HYDIN: variants seen among roughly 807,000 people sequenced by gnomAD.
HYDIN encodes the protein HYDIN axonemal central pair apparatus protein.
Under a neutral mutation model 403.9 loss-of-function variants are expected in HYDIN, and 132 were observed. The observed-to-expected ratio is 0.33, with a 90% CI of 0.28 to 0.38. The LOEUF is 0.38. Among genes scored for constraint, HYDIN ranks in the 10% least tolerant of loss-of-function variants. The pLI is 1.00. For missense variants in HYDIN, 2,827 were observed against 5,009.5 expected (o/e 0.56, Z 13.15); for synonymous variants, 1,202 against 1,891.7 (o/e 0.64, Z 9.46).
At position 70,805,087 on chromosome 16, in the gene HYDIN, TCTC is replaced by T. The variant is rs2035052495; in HGVS notation, c.*2490_*2492del. On this transcript the variant is annotated 3_prime_UTR_variant, in exon 86 of 86. Coordinates refer to ENST00000393567, the MANE Select transcript of HYDIN (RefSeq NM_001270974.2). ...AGGGTGAGGGACCAATTGCTTCCCT[TCTC>T]CTAACCTATACCTCTGGTGAATAGG... Among the ~76,000 whole-genome samples, 5 of 152,320 alleles carry T rather than the reference TCTC, an allele frequency of 3.3e-5. No individual in the cohort carries two copies. The South Asian group carries it at 1.0e-3, about 32-fold the overall frequency.
intron 23 of HYDIN, among the ~76,000 whole-genome samples, chr16:71,000,100 C>A (rs2144070108): frequency 6.6e-6 from 1 of 151,334 alleles, no homozygotes; most frequent in East Asian, 2.0e-4. Context: ...TTGTAGCTAG[C>A]TTTGGGAGGA....
At chr16:70,979,991 G>C (rs985621251) in intron 29 of HYDIN, among the ~76,000 whole-genome samples, 5 of 151,872 alleles carry the variant, frequency 3.3e-5, no homozygotes, top group African/African-American at 1.2e-4. Flanking sequence ...TGAGTGTAGT[G>C]AACTGGAGAA....
rs2080914884 is a variant in HYDIN at position 71,031,640 on chromosome 16, T to C, written c.2768+39A>G. 4 of 1,586,530 alleles carry C rather than the reference T, an allele frequency of 2.5e-6. 1 individual carries two copies. Among genetic ancestry groups the C allele is most frequent in the Non-Finnish European group, 2.6e-6 (3 of 1,164,286 alleles). ...GGTGATGCTCAGCATATGTAACATA[T>C]GTGATATCTATAAAAACTGGTCCAT... On this transcript the variant is annotated intron_variant, in intron 19 of 85. Coordinates refer to ENST00000393567, the MANE Select transcript of HYDIN (RefSeq NM_001270974.2).
intron 7 of HYDIN, among the ~76,000 whole-genome samples, chr16:71,145,676 G>A (rs2085341972): frequency 1.3e-5 from 2 of 152,160 alleles, no homozygotes; most frequent in Admixed American, 1.3e-4. Context: ...CAGGGAGGCT[G>A]GCAAAATGCA....
At chr16:71,047,177 G>C (rs1409442935) in intron 18 of HYDIN, among the ~76,000 whole-genome samples, 1 of 152,054 alleles carries the variant, frequency 6.6e-6, no homozygotes, top group African/African-American at 2.4e-5. Flanking sequence ...TTTTCCTTTT[G>C]TCTTCTGAAC....
intron 41 of HYDIN, among the ~76,000 whole-genome samples, chr16:70,944,811 G>A (rs1365214260): frequency 6.6e-6 from 1 of 152,128 alleles, no homozygotes; most frequent in African/African-American, 2.4e-5. Flanking sequence ...GGAGTGCAAT[G>A]GTGCCATCTT....
intron 10 of HYDIN, among the ~76,000 whole-genome samples, chr16:71,098,596 A>G (rs2083356090): frequency 6.6e-6 from 1 of 151,812 alleles, no homozygotes; most frequent in East Asian, 1.9e-4. Context: ...TGGTCAAGAG[A>G]AAAGTATTTT....
rs1373995528 is a variant in HYDIN at position 70,993,171 on chromosome 16, C to G, written c.3645-961G>C. ...TTTCATCTGCACTTCTTTTAGGACA[C>G]TGTCCACTCTAACCATGTCCTAGAG... On this transcript the variant is annotated intron_variant, in intron 23 of 85. Transcript: ENST00000393567. 3.3e-5 allele frequency among the ~76,000 whole-genome samples: 5 copies of G among 152,324 alleles called. No individual in the cohort carries two copies. In the South Asian group the frequency reaches 6.2e-4, roughly 19 times the overall value.
intron 66 of HYDIN, 74 bp downstream of exon 66, chr16:70,868,496 G>T: frequency 6.7e-7 from 1 of 1,499,400 alleles, no homozygotes. Flanking sequence ...AAAAGGAAAT[G>T]ATGAGGGACT....
chr16:70,944,549 A>C (rs1175656162), intron 41 of HYDIN, among the ~76,000 whole-genome samples: 2 of 152,062 alleles, frequency 1.3e-5, no homozygotes, highest in Non-Finnish European at 2.9e-5. Flanking sequence ...TGCTCGGGGA[A>C]TCTCGGGGGC....
At chr16:70,863,969 T>G (rs1174534682) in intron 67 of HYDIN, among the ~76,000 whole-genome samples, 1 of 151,736 alleles carries the variant, frequency 6.6e-6, no homozygotes, top group African/African-American at 2.4e-5. Context: ...CAGATTTGAA[T>G]TTTAGTTACT....
intron 5 of HYDIN, among the ~76,000 whole-genome samples, chr16:71,173,950 T>C (rs1470777023): frequency 2.0e-5 from 3 of 152,086 alleles, no homozygotes; most frequent in Non-Finnish European, 4.4e-5. Context: ...GCACAAAGGA[T>C]TATAATCAGC....
At chr16:71,106,616 T>G (rs1224641551) in intron 10 of HYDIN, among the ~76,000 whole-genome samples, 1 of 152,168 alleles carries the variant, frequency 6.6e-6, no homozygotes, top group Non-Finnish European at 1.5e-5. Context: ...ATCTCATGCA[T>G]CCTCAGAGGC....
rs2035004467 is a variant in HYDIN, at chr16:70,804,020, T to C, written c.*3560A>G. Among the ~76,000 whole-genome samples the C allele has an allele frequency of 6.6e-6, 1 of 152,196 alleles. No homozygotes were observed. Among genetic ancestry groups the C allele is most frequent in the Non-Finnish European group, 1.5e-5 (1 of 68,024 alleles). The stretch of plus-strand genomic sequence containing the variant: ...CCAATGTAACTTCCACAAGCATGTG[T>C]TGGAAGGGTTATTTTCATCAAGCCT... On this transcript the variant is annotated 3_prime_UTR_variant, in exon 86 of 86. Transcript: ENST00000393567.
At chr16:71,083,172 G>T (rs1355296521) in intron 12 of HYDIN, among the ~76,000 whole-genome samples, 1 of 146,120 alleles carries the variant, frequency 6.8e-6, no homozygotes, top group Non-Finnish European at 1.5e-5. Context: ...TATTTTCAAG[G>T]TTTATAATGG....
intron 47 of HYDIN, among the ~76,000 whole-genome samples, chr16:70,911,280 A>AT (rs2076687493): frequency 6.8e-6 from 1 of 146,424 alleles, no homozygotes; most frequent in Non-Finnish European, 1.5e-5. Flanking sequence ...TCTTGAGTTG[A>AT]TTTTTGTATA....
At chr16:71,146,018 C>T (rs56115502) in intron 7 of HYDIN, among the ~76,000 whole-genome samples, 2 of 151,866 alleles carry the variant, frequency 1.3e-5, no homozygotes, top group Admixed American at 6.6e-5. Flanking sequence ...TGAAATTATA[C>T]CCCAACATAT....
intron 83 of HYDIN, among the ~76,000 whole-genome samples, chr16:70,826,740 TCTC>T (rs2036621051): frequency 1.4e-5 from 2 of 147,556 alleles, no homozygotes; most frequent in East Asian, 1.9e-4. Context: ...TCTCTCTCTC[TCTC>T]TCTGTGTGTG....
At chr16:70,954,492 C>A (rs1296990920) in intron 40 of HYDIN, among the ~76,000 whole-genome samples, 1 of 150,878 alleles carries the variant, frequency 6.6e-6, no homozygotes, top group African/African-American at 2.4e-5. Flanking sequence ...AAGAAAACAA[C>A]CCCCCTCCCC....
Sources: gnomAD v4.1 joint callset for allele counts (sites outside exome capture counted in the v4.1 genomes callset) on GRCh38, gnomAD v4.1.1 for gene constraint, MANE v1.5 for transcripts, NCBI Gene and HGNC (gene_info 2026-07-23, HGNC 2026-07-21) for gene names.